TENM4: variants seen among roughly 807,000 people sequenced by gnomAD.
TENM4 encodes teneurin-4.
In TENM4, 82 loss-of-function variants were observed where a neutral mutation model predicts 243.3. The observed-to-expected ratio is 0.34, with a 90% CI of 0.28 to 0.40. The LOEUF is 0.40. Among genes scored for constraint, TENM4 ranks in the 10% least tolerant of loss-of-function variants. The pLI, the probability that TENM4 is intolerant of heterozygous loss-of-function variation, is 1.00. For synonymous variants in TENM4, 1,412 were observed against 1,456.3 expected (o/e 0.97, Z 0.69); for missense variants, 3,138 against 3,673.3 (o/e 0.85, Z 3.77).
intron 1 of TENM4, among the ~76,000 whole-genome samples, chr11:79,353,767 A>AAAG (rs1418290079): frequency 6.6e-6 from 1 of 151,954 alleles, no homozygotes; most frequent in Non-Finnish European, 1.5e-5. Context: ...AAAAAAAAAA[A>AAAG]AAAGAGGGTT....
At chr11:79,065,091 C>G (rs1860210428) in intron 5 of TENM4, 84 bp from the exon 6 acceptor site, 9 of 1,417,170 alleles carry the variant, frequency 6.4e-6, no homozygotes, top group Non-Finnish European at 8.3e-6. Flanking sequence ...CCTTCTTACC[C>G]CAGGGCTCAC....
intron 6 of TENM4, among the ~76,000 whole-genome samples, chr11:78,938,128 A>T (rs887824559): frequency 6.6e-6 from 1 of 152,186 alleles, no homozygotes; most frequent in Non-Finnish European, 1.5e-5. Context: ...ATGGCTTCAC[A>T]CTATCTACAG....
At chr11:78,877,706 A>G (rs966113899) in intron 9 of TENM4, among the ~76,000 whole-genome samples, 2 of 152,146 alleles carry the variant, frequency 1.3e-5, no homozygotes, top group East Asian at 3.9e-4. Flanking sequence ...TGCTGCTGTT[A>G]TTATTAAAAA....
intron 26 of TENM4, among the ~76,000 whole-genome samples, chr11:78,709,380 A>G (rs1353540942): frequency 6.6e-6 from 1 of 152,154 alleles, no homozygotes; most frequent in African/African-American, 2.4e-5. Context: ...TTGAATTTCT[A>G]AAGGCAGCAC....
At chr11:78,706,072 A>G (rs1859240792) in intron 27 of TENM4, among the ~76,000 whole-genome samples, 1 of 152,212 alleles carries the variant, frequency 6.6e-6, no homozygotes, top group African/African-American at 2.4e-5. Flanking sequence ...ATGCATTTGC[A>G]TTCATCACAC....
intron 1 of TENM4, among the ~76,000 whole-genome samples, chr11:79,316,371 A>G (rs1856802231): frequency 6.6e-6 from 1 of 152,232 alleles, no homozygotes. Context: ...AAGAAACAAC[A>G]GCCAACCATA....
intron 9 of TENM4, among the ~76,000 whole-genome samples, chr11:78,869,455 A>T (rs746653374): frequency 4.7e-5 from 7 of 150,200 alleles, no homozygotes; most frequent in Non-Finnish European, 1.0e-4. Flanking sequence ...GTGCATCAGC[A>T]TTAAAAAGGA....
chr11:78,755,015 C>T (rs535039654), intron 19 of TENM4, among the ~76,000 whole-genome samples: 101 of 152,228 alleles, frequency 6.6e-4, no homozygotes, highest in Non-Finnish European at 1.3e-3. Flanking sequence ...TGCATGTCTG[C>T]ATCCCGCTCC....
chr11:79,081,229 CT>C (rs1464444187), intron 4 of TENM4, among the ~76,000 whole-genome samples: 2 of 152,234 alleles, frequency 1.3e-5, no homozygotes, highest in African/African-American at 4.8e-5. Context: ...GTTCATACAG[CT>C]TTGGGTCTGT....
intron 1 of TENM4, among the ~76,000 whole-genome samples, chr11:79,374,678 T>C (rs1325371504): frequency 6.6e-6 from 1 of 152,064 alleles, no homozygotes; most frequent in East Asian, 1.9e-4. Flanking sequence ...TATATGAGGA[T>C]CCTAGTTTTT....
At chr11:78,773,418 C>T (rs1856680074) in intron 17 of TENM4, among the ~76,000 whole-genome samples, 1 of 152,140 alleles carries the variant, frequency 6.6e-6, no homozygotes, top group African/African-American at 2.4e-5. Flanking sequence ...TGGCATACAG[C>T]TCAAAGACAA....
chr11:78,911,907 C>T (rs545030066), intron 6 of TENM4, among the ~76,000 whole-genome samples: 6 of 152,324 alleles, frequency 3.9e-5, no homozygotes, highest in African/African-American at 7.2e-5. Flanking sequence ...GCTCAGCTTC[C>T]GCTCTGAGTC....
At chr11:79,416,089 G>C (rs1590950500) in intron 1 of TENM4, among the ~76,000 whole-genome samples, 1 of 152,302 alleles carries the variant, frequency 6.6e-6, no homozygotes, top group South Asian at 2.1e-4. Context: ...TTTCACTGCT[G>C]ATTAACATTC....
chr11:78,692,753 C>G (rs1398642311), intron 28 of TENM4, among the ~76,000 whole-genome samples: 1 of 152,184 alleles, frequency 6.6e-6, no homozygotes, highest in East Asian at 1.9e-4. Context: ...TTCTGGTCCC[C>G]AAACATGCCA....
chr11:79,062,703 A>C (rs1860134238), intron 6 of TENM4, among the ~76,000 whole-genome samples: 1 of 152,206 alleles, frequency 6.6e-6, no homozygotes, highest in African/African-American at 2.4e-5. Flanking sequence ...GAGGAAACTG[A>C]GGTCCCAAGA....
chr11:79,347,751 T>A (rs1857349166), intron 1 of TENM4, among the ~76,000 whole-genome samples: 1 of 149,532 alleles, frequency 6.7e-6, no homozygotes, highest in African/African-American at 2.5e-5. Flanking sequence ...TTTAATTATA[T>A]CTATCCTCTC....
intron 12 of TENM4, among the ~76,000 whole-genome samples, chr11:78,839,019 T>C (rs1006072810): frequency 1.3e-5 from 2 of 152,224 alleles, no homozygotes; most frequent in African/African-American, 4.8e-5. Context: ...TACATGTAAC[T>C]GGTAATATTT....
chr11:79,405,957 A>G (rs1308237415), intron 1 of TENM4, among the ~76,000 whole-genome samples: 2 of 151,978 alleles, frequency 1.3e-5, no homozygotes, highest in African/African-American at 4.8e-5. Flanking sequence ...AGGTGTCTAC[A>G]AATGCACACA....
rs149923619 is a variant in TENM4, at chr11:78,905,601, G to A, written c.494-2078C>T. ...TCCACTCCAGCCACATTTTTCCTCC[G>A]AGGCCAGGAGATGTACTGAGACCAT... On this transcript the variant is annotated intron_variant, in intron 6 of 33. Transcript: ENST00000278550. Among the ~76,000 whole-genome samples, 44 of 152,156 alleles carry A rather than the reference G, an allele frequency of 2.9e-4. No homozygotes were observed. The East Asian group carries it at 7.3e-3, about 25-fold the overall frequency.
Sources: allele counts gnomAD v4.1 joint callset (sites outside exome capture counted in the v4.1 genomes callset), GRCh38; gene constraint gnomAD v4.1.1; transcripts MANE v1.5; gene names NCBI Gene and HGNC (gene_info 2026-07-23, HGNC 2026-07-21).